The following NT5DC1 variants were observed in gnomAD, a reference collection of about 807,000 sequenced individuals.
The protein encoded by NT5DC1 is 5'-nucleotidase domain containing 1.
In NT5DC1, 42 loss-of-function variants were observed where a neutral mutation model predicts 59.4. The observed-to-expected ratio is 0.71, with a 90% CI of 0.55 to 0.92. NT5DC1 has a LOEUF of 0.92. Among genes scored for constraint, NT5DC1 ranks in the 40% least tolerant of loss-of-function variants. NT5DC1 has a pLI of 0.00. For synonymous variants in NT5DC1, 172 were observed against 188.1 expected, an observed-to-expected ratio of 0.91 and a Z score of 0.70; for missense variants, 501 against 537.1, an observed-to-expected ratio of 0.93 and a Z score of 0.66.
At chr6:116,142,734 G>A (rs964420467) in intron 6 of NT5DC1, among the ~76,000 whole-genome samples, 1 of 152,140 alleles carries the variant, frequency 6.6e-6, no homozygotes, top group Non-Finnish European at 1.5e-5. Flanking sequence ...TTGAAAAATA[G>A]AATTTGGGAC....
At chr6:116,225,996 C>T (rs1000691722) in intron 8 of NT5DC1, among the ~76,000 whole-genome samples, 10 of 152,206 alleles carry the variant, frequency 6.6e-5, no homozygotes, top group African/African-American at 2.2e-4. Flanking sequence ...CACCCCCCAA[C>T]GACGAAGAAT....
intron 6 of NT5DC1, among the ~76,000 whole-genome samples, chr6:116,148,007 GT>G (rs1342320399): frequency 3.3e-5 from 5 of 151,770 alleles, no homozygotes; most frequent in Non-Finnish European, 7.4e-5. Flanking sequence ...GGTGGGGGGG[GT>G]TGGAGGCACC....
intron 8 of NT5DC1, among the ~76,000 whole-genome samples, chr6:116,223,398 A>C (rs1781848784): frequency 6.6e-6 from 1 of 152,238 alleles, no homozygotes; most frequent in Admixed American, 6.5e-5. Flanking sequence ...TAAATATTTG[A>C]AGGATGGATT....
chr6:116,217,601 G>A (rs1781711073), intron 6 of NT5DC1, among the ~76,000 whole-genome samples: 1 of 152,010 alleles, frequency 6.6e-6, no homozygotes, highest in Non-Finnish European at 1.5e-5. Context: ...TTCATAGGCT[G>A]CCTTAATCAT....
At chr6:116,163,143 T>TATATATAC (rs1337432032) in intron 6 of NT5DC1, among the ~76,000 whole-genome samples, 51 of 79,086 alleles carry the variant, frequency 6.4e-4, no homozygotes, top group African/African-American at 3.3e-3. Flanking sequence ...AAAAAAAAAA[T>TATATATAC]ATATATATAT....
At chr6:116,182,235 G>GTGTGTGTGTGTGTATGTGTGTA (rs1554198454) in intron 6 of NT5DC1, among the ~76,000 whole-genome samples, 2 of 151,310 alleles carry the variant, frequency 1.3e-5, no homozygotes, top group African/African-American at 4.9e-5. Flanking sequence ...GTGTGTGTGT[G>GTGTGTGTGTGTGTATGTGTGTA]TGTGTGTGTG....
At chr6:116,243,762 C>T (rs1771782502) in intron 11 of NT5DC1, 147 bp from the exon 12 acceptor site, 2 of 489,306 alleles carry the variant, frequency 4.1e-6, no homozygotes, top group South Asian at 3.4e-5. Context: ...ATAATAATAG[C>T]TACACACAGA....
At chr6:116,229,665 C>A (rs1781977581) in intron 8 of NT5DC1, among the ~76,000 whole-genome samples, 1 of 152,158 alleles carries the variant, frequency 6.6e-6, no homozygotes, top group Non-Finnish European at 1.5e-5. Context: ...CTCTGACTTG[C>A]AAGATTAAAT....
chr6:116,134,202 T>C (rs751090903), intron 6 of NT5DC1, among the ~76,000 whole-genome samples: 9 of 152,208 alleles, frequency 5.9e-5, no homozygotes, highest in South Asian at 2.1e-4. Flanking sequence ...TATTAGACAG[T>C]CTTCTCAAAT....
At chr6:116,121,749 A>G (rs1247896388) in intron 6 of NT5DC1, 1 of 1,612,784 alleles carries the variant, frequency 6.2e-7, no homozygotes, top group East Asian at 2.2e-5. Flanking sequence ...TTTGGTCCAT[A>G]TGGTCCTCTC....
chr6:116,217,504 C>T (rs1298163063), intron 6 of NT5DC1, among the ~76,000 whole-genome samples: 3 of 152,084 alleles, frequency 2.0e-5, no homozygotes, highest in African/African-American at 7.2e-5. Flanking sequence ...GAGTTAAGAA[C>T]AAACAATACC....
At chr6:116,163,758 A>G (rs574133947) in intron 6 of NT5DC1, among the ~76,000 whole-genome samples, 3 of 152,236 alleles carry the variant, frequency 2.0e-5, no homozygotes, top group Admixed American at 6.5e-5. Context: ...AGTACTATGA[A>G]CTTTCCTCTT....
At chr6:116,181,505 T>G (rs1212550768) in intron 6 of NT5DC1, among the ~76,000 whole-genome samples, 2 of 152,102 alleles carry the variant, frequency 1.3e-5, no homozygotes, top group Non-Finnish European at 2.9e-5. Context: ...AAAGAACTTC[T>G]TTAATCCCAT....
Position 116,108,285 on chromosome 6 carries a change from T to A in NT5DC1, c.186-79T>A, listed in dbSNP as rs192514183. The A allele has an allele frequency of 2.4e-4, 205 of 870,372 alleles. 1 individual carries two copies. In the Admixed American group the frequency reaches 3.4e-3, roughly 14 times the overall value. The allele number at this position is 870,372 out of a possible 1,614,324, so 53.9% of individuals were successfully genotyped here. Reference sequence around the variant, plus strand: ...GCAGAATCCCTTTTTAGCATTATGATGTTTGGAAAATATAGGTTGTTATTT... The same window carrying A: ...GCAGAATCCCTTTTTAGCATTATGAAGTTTGGAAAATATAGGTTGTTATTT... On this transcript the variant is annotated intron_variant, in intron 2 of 11. Coordinates refer to ENST00000319550, the MANE Select transcript of NT5DC1 (RefSeq NM_152729.3).
At chr6:116,132,389 A>G (rs550572511) in intron 6 of NT5DC1, among the ~76,000 whole-genome samples, 1 of 151,986 alleles carries the variant, frequency 6.6e-6, no homozygotes, top group East Asian at 1.9e-4. Context: ...TTTCCTGTAC[A>G]TGTTCTATAA....
intron 6 of NT5DC1, among the ~76,000 whole-genome samples, chr6:116,167,995 G>A (rs1780512526): frequency 6.6e-6 from 1 of 150,482 alleles, no homozygotes; most frequent in Non-Finnish European, 1.5e-5. Flanking sequence ...CAGTATAATT[G>A]TTCTTTAAAG....
At chr6:116,161,979 TA>T (rs201565242) in intron 6 of NT5DC1, among the ~76,000 whole-genome samples, 2,796 of 152,324 alleles carry the variant, frequency 0.018, 40 homozygotes, top group Non-Finnish European at 0.026. Context: ...ATGGCTATTG[TA>T]AATGGGATTT....
chr6:116,234,433 G>A (rs113482317), intron 8 of NT5DC1, among the ~76,000 whole-genome samples: 6 of 151,952 alleles, frequency 3.9e-5, no homozygotes, highest in East Asian at 1.9e-4. Context: ...CTCTTTCTCC[G>A]GGCTGAAGCT....
chr6:116,192,557 CCTAAA>C (rs1489204985), intron 6 of NT5DC1, among the ~76,000 whole-genome samples: 2 of 151,912 alleles, frequency 1.3e-5, no homozygotes, highest in Non-Finnish European at 2.9e-5. Flanking sequence ...AGCAAAACTT[CCTAAA>C]CTATTTTCTT....
Sources: gnomAD v4.1 joint callset for allele counts (sites outside exome capture counted in the v4.1 genomes callset) on GRCh38, gnomAD v4.1.1 for gene constraint, MANE v1.5 for transcripts, NCBI Gene and HGNC (gene_info 2026-07-23, HGNC 2026-07-21) for gene names.